CACNA2D3: variants seen among roughly 807,000 people sequenced by gnomAD.
CACNA2D3 encodes the protein voltage-dependent calcium channel subunit alpha-2/delta-3.
CACNA2D3 carries 60 observed loss-of-function variants against 160.6 expected under a neutral mutation model. The ratio of observed to expected loss-of-function variants is 0.37; its 90% CI spans 0.30 to 0.46. The LOEUF (loss-of-function observed/expected upper bound fraction) is 0.46, where lower values mean the gene tolerates loss of function less well. Among genes scored for constraint, CACNA2D3 ranks in the 20% least tolerant of loss-of-function variants. The probability of loss-of-function intolerance (pLI) is 1.00; values close to 1 mark genes in which losing one functional copy is unlikely to be tolerated. For synonymous variants in CACNA2D3, 558 were observed against 492.9 expected (o/e 1.13, Z -1.75); for missense variants, 1,205 against 1,365.0 (o/e 0.88, Z 1.85).
At chr3:54,125,998 G>A (rs549642680) in intron 2 of CACNA2D3, among the ~76,000 whole-genome samples, 1 of 152,280 alleles carries the variant, frequency 6.6e-6, no homozygotes, top group Non-Finnish European at 1.5e-5. Flanking sequence ...CATTAACACT[G>A]TATTAAGGGG....
At chr3:54,939,423 C>G (rs1033255868) in intron 27 of CACNA2D3, among the ~76,000 whole-genome samples, 3 of 152,290 alleles carry the variant, frequency 2.0e-5, no homozygotes, top group African/African-American at 4.8e-5. Context: ...CTTCCCAGTC[C>G]CTTCCCCTGG....
chr3:54,908,851 T>G (rs983325995), intron 27 of CACNA2D3, among the ~76,000 whole-genome samples: 3 of 152,202 alleles, frequency 2.0e-5, no homozygotes, highest in Admixed American at 2.0e-4. Flanking sequence ...GCTGAGTAGA[T>G]GGAGGGGTAG....
chr3:54,275,995 T>G (rs1488513470), intron 2 of CACNA2D3, among the ~76,000 whole-genome samples: 1 of 152,166 alleles, frequency 6.6e-6, no homozygotes, highest in Non-Finnish European at 1.5e-5. Context: ...ATTTGTTTAC[T>G]TTAAGAACTC....
At chr3:54,164,980 C>T (rs1229598529) in intron 2 of CACNA2D3, among the ~76,000 whole-genome samples, 1 of 152,230 alleles carries the variant, frequency 6.6e-6, no homozygotes, top group Non-Finnish European at 1.5e-5. Flanking sequence ...GCAGTTTCTG[C>T]CACCTCTGTT....
intron 2 of CACNA2D3, among the ~76,000 whole-genome samples, chr3:54,277,687 G>C (rs1021645832): frequency 3.9e-5 from 6 of 152,122 alleles, no homozygotes; most frequent in African/African-American, 1.4e-4. Context: ...TAGCTTGATG[G>C]GGATAGCATT....
intron 35 of CACNA2D3, among the ~76,000 whole-genome samples, chr3:55,061,016 A>G (rs1201061386): frequency 6.6e-5 from 10 of 152,146 alleles, no homozygotes; most frequent in Admixed American, 6.5e-4. Context: ...GGTCGGCACC[A>G]TAAATCTCAA....
chr3:54,693,031 A>C (rs116532390), intron 11 of CACNA2D3, among the ~76,000 whole-genome samples: 1 of 149,388 alleles, frequency 6.7e-6, no homozygotes, highest in South Asian at 2.1e-4. Flanking sequence ...TAAAAAAAAA[A>C]CCACCACCAC....
At chr3:54,383,034 G>C (rs1458183973) in intron 3 of CACNA2D3, among the ~76,000 whole-genome samples, 1 of 152,064 alleles carries the variant, frequency 6.6e-6, no homozygotes, top group Admixed American at 6.6e-5. Context: ...TTTTTGTAGA[G>C]ATGGGGATTT....
chr3:54,377,373 A>T (rs1386863632), intron 3 of CACNA2D3, among the ~76,000 whole-genome samples: 1 of 152,178 alleles, frequency 6.6e-6, no homozygotes, highest in Non-Finnish European at 1.5e-5. Context: ...CATAACCTCC[A>T]TGTAACTGTG....
intron 2 of CACNA2D3, among the ~76,000 whole-genome samples, chr3:54,235,137 G>A (rs1250794468): frequency 6.6e-6 from 1 of 152,082 alleles, no homozygotes; most frequent in Non-Finnish European, 1.5e-5. Flanking sequence ...ATGAGTCTGG[G>A]GCATTCATAG....
chr3:54,537,344 C>A (rs1354605045), intron 5 of CACNA2D3, among the ~76,000 whole-genome samples: 1 of 152,110 alleles, frequency 6.6e-6, no homozygotes, highest in Non-Finnish European at 1.5e-5. Flanking sequence ...CTCACCTCTC[C>A]ATGCTTAGGA....
intron 13 of CACNA2D3, among the ~76,000 whole-genome samples, chr3:54,775,538 T>A (rs1339789141): frequency 2.0e-5 from 3 of 152,212 alleles, no homozygotes; most frequent in African/African-American, 7.2e-5. Flanking sequence ...CCTCTGAGAA[T>A]AGTCGTATAG....
intron 2 of CACNA2D3, among the ~76,000 whole-genome samples, chr3:54,161,106 C>G (rs1444667701): frequency 6.6e-6 from 1 of 152,186 alleles, no homozygotes; most frequent in Non-Finnish European, 1.5e-5. Flanking sequence ...TCATGAAAGA[C>G]AGTGTCATGC....
intron 2 of CACNA2D3, among the ~76,000 whole-genome samples, chr3:54,233,859 A>G (rs542159646): frequency 5.9e-5 from 9 of 152,364 alleles, no homozygotes; most frequent in African/African-American, 2.2e-4. Flanking sequence ...TCTAGAAGAC[A>G]GAGGATACTG....
chr3:54,484,633 T>A (rs982278658), intron 4 of CACNA2D3, among the ~76,000 whole-genome samples: 12 of 152,186 alleles, frequency 7.9e-5, no homozygotes, highest in Middle Eastern at 3.2e-3. Flanking sequence ...TAAATGGCAA[T>A]AATAATCATG....
intron 2 of CACNA2D3, among the ~76,000 whole-genome samples, chr3:54,226,631 C>T (rs1413913567): frequency 3.9e-5 from 6 of 152,034 alleles, no homozygotes; most frequent in African/African-American, 1.4e-4. Flanking sequence ...AGGATATTTG[C>T]CCCTTGATTC....
chr3:54,166,974 G>A (rs1387704973), intron 2 of CACNA2D3, among the ~76,000 whole-genome samples: 1 of 152,146 alleles, frequency 6.6e-6, no homozygotes, highest in Non-Finnish European at 1.5e-5. Flanking sequence ...CTGGATTACA[G>A]TTTTCTTGAA....
chr3:54,973,441 A>G (rs1445991737), intron 29 of CACNA2D3, among the ~76,000 whole-genome samples: 1 of 152,222 alleles, frequency 6.6e-6, no homozygotes, highest in Non-Finnish European at 1.5e-5. Flanking sequence ...GTGTGACGGC[A>G]GCGAGAGAAT....
chr3:54,602,994 T>C (rs1240825670), intron 9 of CACNA2D3, among the ~76,000 whole-genome samples: 1 of 152,214 alleles, frequency 6.6e-6, no homozygotes, highest in Non-Finnish European at 1.5e-5. Flanking sequence ...TGCTGTTGTT[T>C]AGACATTCTC....
Sources: gnomAD v4.1 joint callset for allele counts (sites outside exome capture counted in the v4.1 genomes callset) on GRCh38, gnomAD v4.1.1 for gene constraint, MANE v1.5 for transcripts, NCBI Gene and HGNC (gene_info 2026-07-23, HGNC 2026-07-21) for gene names.